Variants in MATR3 observed in about 807,000 individuals in gnomAD.
The protein encoded by MATR3 is matrin 3, also known as matrin-3.
A neutral mutation model predicts 85.5 loss-of-function variants in MATR3; 4 were observed. The ratio of observed to expected loss-of-function variants is 0.05; its 90% CI spans 0.02 to 0.11. The LOEUF (loss-of-function observed/expected upper bound fraction) is 0.11. MATR3 is among the 10% of genes least tolerant of loss of function. MATR3 has a pLI of 1.00. For synonymous variants in MATR3, 336 were observed against 343.1 expected, an observed-to-expected ratio of 0.98 and a Z score of 0.23; for missense variants, 685 against 1,016.1, an observed-to-expected ratio of 0.67 and a Z score of 4.43.
chr5:139,287,861 T>C (rs1233567066), intron 3 of MATR3, among the ~76,000 whole-genome samples: 2 of 152,176 alleles, frequency 1.3e-5, no homozygotes, highest in Non-Finnish European at 2.9e-5. Flanking sequence ...AGTTTGTCTT[T>C]TCCATCATTG....
intron 6 of MATR3, 54 bp downstream of exon 6, chr5:139,317,159 T>C: frequency 6.5e-7 from 1 of 1,537,138 alleles, no homozygotes; most frequent in Non-Finnish European, 9.0e-7. Flanking sequence ...GGAATATGAT[T>C]TGACCTAAAT....
intron 1 of MATR3, chr5:139,274,186 G>T: frequency 2.6e-6 from 1 of 388,410 alleles, no homozygotes; most frequent in Non-Finnish European, 5.0e-6. Context: ...AGAGGGGAGA[G>T]TCCTTGGAGG....
Position 139,318,834 on chromosome 5 carries a change from G to GA in MATR3, c.1309-66dup, listed in dbSNP as rs375316596. ...GATTTGGGGCATTGTTATTTTTTAGGAAAAAAAATCTTTAGTTCAATGTGA... is the reference window on the plus strand; with the variant it reads ...GATTTGGGGCATTGTTATTTTTTAGGAAAAAAAAATCTTTAGTTCAATGTGA... On this transcript the variant is annotated intron_variant, in intron 7 of 14. Transcript: ENST00000394805. The GA allele has an allele frequency of 5.3e-5, 75 of 1,424,826 alleles. 1 individual carries two copies. The African/African-American group carries it at 6.5e-4, about 12-fold the overall frequency. The allele number at this position is 1,424,826 out of a possible 1,614,324, so 88.3% of individuals were successfully genotyped here. A position where few individuals can be genotyped will look rare whatever the true frequency, so the allele number is the denominator to read the frequency against.
Position 139,308,184 on chromosome 5 carries a change from C to G in MATR3, c.769C>G (p.Pro257Ala), listed in dbSNP as rs774478774. 4 of 1,614,054 alleles carry G rather than the reference C, an allele frequency of 2.5e-6. No individual in the cohort carries two copies. Among genetic ancestry groups the G allele is most frequent in the Non-Finnish European group, 3.4e-6 (4 of 1,180,000 alleles). ...TGAGTATGAGAGAATGGGACGTGGTCCTGGCCCCTTACAAGAGAGATCTCT... is the reference window on the plus strand; with the variant it reads ...TGAGTATGAGAGAATGGGACGTGGTGCTGGCCCCTTACAAGAGAGATCTCT... ...DSEYERMGRG[P>A]GPLQERSLFE... Residue 257 changes from proline to alanine, a missense_variant, in exon 2 of 15, where the codon CCT becomes GCT. Coordinates refer to ENST00000394805, the MANE Select transcript of MATR3 (RefSeq NM_018834.6).
intron 2 of MATR3, 118 bp from the exon 3 acceptor site, chr5:139,314,557 G>A (rs1755150898): frequency 1.3e-6 from 1 of 763,220 alleles, no homozygotes; most frequent in East Asian, 2.7e-5. Flanking sequence ...TAGTGAATGG[G>A]CAGGTGTTTG....
At chr5:139,309,861 GTTA>G in intron 2 of MATR3, among the ~76,000 whole-genome samples, 1 of 152,148 alleles carries the variant, frequency 6.6e-6, no homozygotes, top group East Asian at 1.9e-4. Context: ...TTTTTTCTGC[GTTA>G]TTTCTTGCCT....
chr5:139,291,275 A>G (rs1016081089), upstream of MATR3, among the ~76,000 whole-genome samples: 1 of 152,194 alleles, frequency 6.6e-6, no homozygotes, highest in African/African-American at 2.4e-5. Flanking sequence ...TTTCTCAGGA[A>G]AGCTCCTCAT....
Position 139,330,301 on chromosome 5 carries a change from G to T in MATR3, c.*906G>T, listed in dbSNP as rs781058267. ...ATGTGACCTTTGTGAACAGAAATTT[G>T]CATGTATAATTTGTGTTTACTTGTA... On this transcript the variant is annotated 3_prime_UTR_variant, in exon 15 of 15. Coordinates refer to ENST00000394805, the MANE Select transcript of MATR3 (RefSeq NM_018834.6). 2.2e-6 allele frequency: 1 copy of T among 453,546 alleles called. No homozygotes were observed. Among genetic ancestry groups the T allele is most frequent in the Admixed American group, 2.4e-5 (1 of 42,412 alleles). The allele number at this position is 453,546 out of a possible 1,614,324, so 28.1% of individuals were successfully genotyped here.
chr5:139,324,574 GTGAGCCA>G (rs1211354771), intron 12 of MATR3, among the ~76,000 whole-genome samples: 2 of 152,126 alleles, frequency 1.3e-5, no homozygotes, highest in African/African-American at 4.8e-5. Flanking sequence ...AATTACAGGT[GTGAGCCA>G]CCATGCCTGG....
chr5:139,324,290 GTTTTTTTTT>G (rs767660135), intron 12 of MATR3, among the ~76,000 whole-genome samples: 1 of 107,720 alleles, frequency 9.3e-6, no homozygotes, highest in African/African-American at 3.4e-5. Context: ...GAGCATGATT[GTTTTTTTTT>G]TTTTTTTTTT....
chr5:139,322,318 G>GTC, intron 10 of MATR3, 145 bp from the exon 11 acceptor site: 1 of 818,984 alleles, frequency 1.2e-6, no homozygotes, highest in Non-Finnish European at 2.0e-6. Flanking sequence ...CATGATGAAT[G>GTC]TCTGTAGGCA....
chr5:139,290,438 C>CTTTTT (rs762364450), upstream of MATR3, among the ~76,000 whole-genome samples: 159 of 44,970 alleles, frequency 3.5e-3, 39 homozygotes, highest in African/African-American at 0.013. Flanking sequence ...CCTGGCCGCT[C>CTTTTT]TTTTTTTTTT....
intron 1 of MATR3, among the ~76,000 whole-genome samples, chr5:139,303,791 C>A (rs561100301): frequency 6.6e-6 from 1 of 151,942 alleles, no homozygotes; most frequent in South Asian, 2.1e-4. Flanking sequence ...TTTCTAATAC[C>A]TTCTAAGAAA....
chr5:139,300,468 TAA>T (rs1387252287), intron 1 of MATR3, among the ~76,000 whole-genome samples: 2 of 152,230 alleles, frequency 1.3e-5, no homozygotes, highest in African/African-American at 2.4e-5. Context: ...ACGGTGCAGA[TAA>T]AAAGTTTATA....
upstream of MATR3, among the ~76,000 whole-genome samples, chr5:139,290,438 C>CTTTTTTTTTTTTTTTTTTTT (rs762364450): frequency 8.9e-5 from 4 of 44,978 alleles, 1 homozygote; most frequent in Admixed American, 7.5e-4. Flanking sequence ...CCTGGCCGCT[C>CTTTTTTTTTTTTTTTTTTTT]TTTTTTTTTT....
At position 139,307,795 on chromosome 5, in the gene MATR3, G is replaced by A. The variant is rs1433930529; in HGVS notation, c.380G>A (p.Arg127His). The A allele has an allele frequency of 5.0e-6, 8 of 1,613,948 alleles. No homozygotes were observed. The highest frequency in any genetic ancestry group is 2.2e-5 in the East Asian group (1 of 44,896). ...GCTAGAGACTTAGATGAACTGAGTC[G>A]TTATCCAGAGGACAAGATTACTCCT... ...LSARDLDELSRYPEDKITPEN... is the reference protein window; with the variant it reads ...LSARDLDELSHYPEDKITPEN... The change falls in exon 2 of 15, where the codon CGT becomes CAT. Residue 127 changes from arginine to histidine, a missense_variant. Around this residue, in one of 9 missense-constraint regions of MATR3, gnomAD observed 3 missense variants for 21.1 expected, o/e 0.14. Coordinates refer to ENST00000394805, the MANE Select transcript of MATR3 (RefSeq NM_018834.6). The surrounding 1 kb of genome is among the most constrained non-coding windows in gnomAD (Gnocchi z 4.4).
Position 139,330,888 on chromosome 5 carries a change from T to C in MATR3, c.*1493T>C. 1 of 453,992 alleles carries C rather than the reference T, an allele frequency of 2.2e-6. No individual in the cohort carries two copies. Among genetic ancestry groups the C allele is most frequent in the Non-Finnish European group, 4.4e-6 (1 of 226,730 alleles). 28.1% of individuals were successfully genotyped at this position (453,992 alleles called of 1,614,324 possible). ...TTCTCTGCAACCTCAGCCTTTGGGC[T>C]CAAATGACCCTCCTACCTCAGTCTC... On this transcript the variant is annotated 3_prime_UTR_variant, in exon 15 of 15. Coordinates refer to ENST00000394805, the MANE Select transcript of MATR3 (RefSeq NM_018834.6).
At chr5:139,308,803 G>T (rs1754829887) in intron 2 of MATR3, among the ~76,000 whole-genome samples, 1 of 152,014 alleles carries the variant, frequency 6.6e-6, no homozygotes, top group Non-Finnish European at 1.5e-5. Flanking sequence ...AGTTAATGTA[G>T]AGCCCTGGTG....
chr5:139,276,242 AC>A, intron 2 of MATR3: 1 of 456,266 alleles, frequency 2.2e-6, no homozygotes, highest in South Asian at 1.5e-5. Flanking sequence ...TGCTGGGAGA[AC>A]AGCAGCCAAT....
Sources: allele counts gnomAD v4.1 joint callset (sites outside exome capture counted in the v4.1 genomes callset), GRCh38; gene constraint gnomAD v4.1.1; regional missense constraint gnomAD v4.1.1; non-coding constraint Gnocchi (gnomAD v3.1); transcripts MANE v1.5; gene names NCBI Gene and HGNC (gene_info 2026-07-23, HGNC 2026-07-21).